The following USP12 variants were observed in gnomAD, a reference collection of about 807,000 sequenced individuals.
USP12 encodes the protein ubiquitin carboxyl-terminal hydrolase 12.
In USP12, 19 loss-of-function variants were observed where a neutral mutation model predicts 45.5. The observed-to-expected ratio is 0.42, with a 90% CI of 0.29 to 0.61. The LOEUF is 0.61. USP12 is among the 20% of genes least tolerant of loss of function. The pLI is 0.22. For missense variants in USP12, 242 were observed against 447.7 expected (o/e 0.54, Z 4.15); for synonymous variants, 149 against 148.8 (o/e 1.00, Z -0.01).
intron 1 of USP12, among the ~76,000 whole-genome samples, chr13:27,163,776 A>AAAAG (rs1555240041): frequency 8.8e-6 from 1 of 113,088 alleles, no homozygotes; most frequent in Non-Finnish European, 1.9e-5. Flanking sequence ...CTTAAAAAAA[A>AAAAG]AAAAAAAAAG....
intron 8 of USP12, among the ~76,000 whole-genome samples, chr13:27,069,996 A>G (rs551138557): frequency 6.6e-6 from 1 of 152,342 alleles, no homozygotes; most frequent in South Asian, 2.1e-4. Flanking sequence ...TCCAAGAAAA[A>G]TGAGTGTATA....
At chr13:27,140,947 T>C (rs1278559412) in intron 1 of USP12, among the ~76,000 whole-genome samples, 3 of 148,988 alleles carry the variant, frequency 2.0e-5, no homozygotes, top group Non-Finnish European at 3.0e-5. Flanking sequence ...ATTAAAAAGA[T>C]AGAAGATTCG....
At position 27,095,071 on chromosome 13, in the gene USP12, C is replaced by T. The variant is rs984575347; in HGVS notation, c.573+530G>A. ...TTATGAGGCTTAGATGGAAGGATTG[C>T]TTGAGCCCAGGAAGTCGAGGCTACA... On this transcript the variant is annotated intron_variant, in intron 4 of 8. Transcript: ENST00000282344. Among the ~76,000 whole-genome samples the T allele has an allele frequency of 2.6e-4, 39 of 152,130 alleles. 2 individuals carry two copies. Among genetic ancestry groups the T allele is most frequent in the Admixed American group, 1.6e-3 (25 of 15,268 alleles).
chr13:27,140,089 A>C (rs1339146701), intron 1 of USP12, among the ~76,000 whole-genome samples: 2 of 152,230 alleles, frequency 1.3e-5, no homozygotes, highest in Admixed American at 6.5e-5. Flanking sequence ...CTATTGACAA[A>C]GCTCATTTCA....
chr13:27,147,529 AAT>A (rs1877361195), intron 1 of USP12, among the ~76,000 whole-genome samples: 1 of 152,238 alleles, frequency 6.6e-6, no homozygotes, highest in Non-Finnish European at 1.5e-5. Flanking sequence ...AGAATTTAAG[AAT>A]ATATGTCATG....
chr13:27,160,105 T>A (rs899603357), intron 1 of USP12, among the ~76,000 whole-genome samples: 3 of 152,170 alleles, frequency 2.0e-5, no homozygotes, highest in Admixed American at 6.6e-5. Flanking sequence ...ATGTGTCAAT[T>A]ATACCTCAGT....
At chr13:27,121,072 G>A (rs1593194932) in intron 1 of USP12, among the ~76,000 whole-genome samples, 1 of 152,098 alleles carries the variant, frequency 6.6e-6, no homozygotes, top group Non-Finnish European at 1.5e-5. Context: ...AAGACAGGGA[G>A]GACAACAGGA....
chr13:27,078,112 T>G (rs900783133), intron 6 of USP12: 1 of 152,140 alleles, frequency 6.6e-6, no homozygotes, highest in Non-Finnish European at 1.5e-5. Context: ...ACCAACTACT[T>G]AAAATTTGGA....
Position 27,068,408 on chromosome 13 carries a change from A to C in USP12, c.*875T>G, listed in dbSNP as rs1365111849. 3.3e-5 allele frequency: 5 copies of C among 152,602 alleles called. No individual in the cohort carries two copies. Among genetic ancestry groups the C allele is most frequent in the Non-Finnish European group, 7.3e-5 (5 of 68,038 alleles). 9.5% of individuals were successfully genotyped at this position (152,602 alleles called of 1,614,324 possible). A position where few individuals can be genotyped will look rare whatever the true frequency, so the allele number is the denominator to read the frequency against. On this transcript the variant is annotated 3_prime_UTR_variant, in exon 9 of 9. Coordinates refer to ENST00000282344, the MANE Select transcript of USP12 (RefSeq NM_182488.4). The stretch of plus-strand genomic sequence containing the variant: ...CAGAGATATCAGTTCCTCCTGAAAA[A>C]GGATATTTATCTCCTCTCACTGCAG...
intron 3 of USP12, among the ~76,000 whole-genome samples, chr13:27,103,266 A>C (rs1408704062): frequency 6.6e-6 from 1 of 152,216 alleles, no homozygotes; most frequent in Non-Finnish European, 1.5e-5. Context: ...AGAAGGAAAG[A>C]TATGCAATGA....
In USP12 at chr13:27,081,596, A is replaced by C. The variant is rs77152778; in HGVS notation, c.735-6208T>G. Among the ~76,000 whole-genome samples, 645 of 152,370 alleles carry C rather than the reference A, an allele frequency of 4.2e-3. 4 individuals are homozygous for C. The highest frequency in any genetic ancestry group is 0.015 in the African/African-American group (604 of 41,588). The stretch of plus-strand genomic sequence containing the variant: ...ATTTTAACCTCCTCCCATGAATCAC[A>C]AATATTCTAATGGCACCCAGAATGG... On this transcript the variant is annotated intron_variant, in intron 6 of 8. Coordinates refer to ENST00000282344, the MANE Select transcript of USP12 (RefSeq NM_182488.4).
At chr13:27,145,023 C>T (rs1490265400) in intron 1 of USP12, among the ~76,000 whole-genome samples, 2 of 152,174 alleles carry the variant, frequency 1.3e-5, no homozygotes, top group East Asian at 3.8e-4. Flanking sequence ...GCCACGATCG[C>T]ACCACTGCAT....
intron 1 of USP12, among the ~76,000 whole-genome samples, chr13:27,119,670 G>C (rs1020529930): frequency 6.6e-6 from 1 of 152,174 alleles, no homozygotes; most frequent in Admixed American, 6.5e-5. Flanking sequence ...TGCTTCTGAA[G>C]ACATTACTGT....
At chr13:27,088,527 C>T (rs550248084) in intron 6 of USP12, among the ~76,000 whole-genome samples, 7 of 151,850 alleles carry the variant, frequency 4.6e-5, no homozygotes, top group South Asian at 4.2e-4. Flanking sequence ...ATAAGTGTCT[C>T]GCTGTGCCTA....
intron 1 of USP12, among the ~76,000 whole-genome samples, chr13:27,127,543 G>A (rs1047857301): frequency 1.3e-5 from 2 of 152,162 alleles, no homozygotes; most frequent in African/African-American, 4.8e-5. Context: ...CAGGAAGAAA[G>A]AGAAACAATA....
intron 3 of USP12, among the ~76,000 whole-genome samples, chr13:27,097,951 C>T (rs1047742705): frequency 6.6e-5 from 10 of 150,772 alleles, no homozygotes; most frequent in African/African-American, 2.2e-4. Flanking sequence ...GTTTCATATA[C>T]ACCTTATAGC....
At chr13:27,112,671 T>C (rs931828128) in intron 2 of USP12, among the ~76,000 whole-genome samples, 2 of 152,158 alleles carry the variant, frequency 1.3e-5, no homozygotes, top group African/African-American at 4.8e-5. Context: ...TTATAATAGA[T>C]CTGCCACAGC....
In USP12 at chr13:27,074,941, A is replaced by G. The variant is rs531487421; in HGVS notation, c.932+250T>C. Reference sequence around the variant, plus strand: ...GGAAAAGAAAAACTAACAGATCTCAAAGTTCTAGGAAATCAGATATAGTAC... The same window carrying G: ...GGAAAAGAAAAACTAACAGATCTCAGAGTTCTAGGAAATCAGATATAGTAC... On this transcript the variant is annotated intron_variant, in intron 7 of 8. Coordinates refer to ENST00000282344, the MANE Select transcript of USP12 (RefSeq NM_182488.4). Among the ~76,000 whole-genome samples the G allele has an allele frequency of 1.1e-4, 16 of 152,210 alleles. 1 individual carries two copies. Among genetic ancestry groups the G allele is most frequent in the Admixed American group, 2.6e-4 (4 of 15,280 alleles).
chr13:27,168,059 C>T (rs1261463973), intron 1 of USP12, among the ~76,000 whole-genome samples: 2 of 152,224 alleles, frequency 1.3e-5, no homozygotes, highest in South Asian at 2.1e-4. Context: ...TTACCATGCT[C>T]AGGGTGCTGT....
Sources: gnomAD v4.1 joint callset for allele counts (sites outside exome capture counted in the v4.1 genomes callset) on GRCh38, gnomAD v4.1.1 for gene constraint, MANE v1.5 for transcripts, NCBI Gene and HGNC (gene_info 2026-07-23, HGNC 2026-07-21) for gene names.